Variants in GLIS3 observed in about 807,000 individuals in gnomAD.
GLIS3 encodes zinc finger protein GLIS3.
GLIS3 carries 53 observed loss-of-function variants against 78.6 expected under a neutral mutation model. That is an observed-to-expected ratio of 0.67 (90% CI 0.54 to 0.85). GLIS3 has a LOEUF of 0.85. GLIS3 is among the 40% of genes least tolerant of loss of function. The pLI is 0.00. For missense variants in GLIS3, 1,703 were observed against 1,231.1 expected (o/e 1.38, Z -5.74); for synonymous variants, 684 against 509.9 (o/e 1.34, Z -4.60).
chr9:4,359,109 C>G, the GLIS3 span, among the ~76,000 whole-genome samples: 1 of 152,176 alleles, frequency 6.6e-6, no homozygotes, highest in Non-Finnish European at 1.5e-5. Context: ...GTTTACTACT[C>G]TCCTGCGGTC....
intron 2 of GLIS3, among the ~76,000 whole-genome samples, chr9:4,266,450 G>T (rs1826015366): frequency 6.6e-6 from 1 of 152,118 alleles, no homozygotes; most frequent in South Asian, 2.1e-4. Context: ...CAAGTTCAGA[G>T]ATGCAATAGT....
At chr9:4,003,955 C>T (rs1377908636) in intron 4 of GLIS3, among the ~76,000 whole-genome samples, 1 of 152,192 alleles carries the variant, frequency 6.6e-6, no homozygotes, top group Non-Finnish European at 1.5e-5. Flanking sequence ...GTACATTCCA[C>T]TTACGATGAC....
At chr9:4,423,879 C>A in the GLIS3 span, among the ~76,000 whole-genome samples, 1 of 149,908 alleles carries the variant, frequency 6.7e-6, no homozygotes, top group Non-Finnish European at 1.5e-5. Flanking sequence ...TCTTATAAAA[C>A]ATTGCTAAAC....
At chr9:4,355,569 T>C in the GLIS3 span, among the ~76,000 whole-genome samples, 1 of 152,134 alleles carries the variant, frequency 6.6e-6, no homozygotes, top group Non-Finnish European at 1.5e-5. Flanking sequence ...GCCCAGGAAC[T>C]GTAAGAAGGA....
chr9:4,165,520 A>G (rs4741899), intron 2 of GLIS3, among the ~76,000 whole-genome samples: 60,299 of 152,092 alleles, frequency 0.4, 13,672 homozygotes, highest in East Asian at 0.7. Flanking sequence ...TTTACAGATA[A>G]ATGCTTATGA....
chr9:3,853,617 G>GC (rs998589529), intron 9 of GLIS3, among the ~76,000 whole-genome samples: 1 of 152,144 alleles, frequency 6.6e-6, no homozygotes, highest in African/African-American at 2.4e-5. Flanking sequence ...TAGATGAAAT[G>GC]CCCCCCACTT....
chr9:4,483,952 T>C, the GLIS3 span, among the ~76,000 whole-genome samples: 1 of 152,190 alleles, frequency 6.6e-6, no homozygotes, highest in Non-Finnish European at 1.5e-5. Flanking sequence ...CTCACTGAGA[T>C]ACTGAGAGGA....
intron 6 of GLIS3, among the ~76,000 whole-genome samples, chr9:3,908,713 T>TG (rs1823905262): frequency 1.6e-5 from 2 of 122,850 alleles, no homozygotes; most frequent in Non-Finnish European, 3.6e-5. Flanking sequence ...TTTGTTTTTT[T>TG]TTTTTTTTTT....
the GLIS3 span, among the ~76,000 whole-genome samples, chr9:4,451,245 AC>A: frequency 6.6e-6 from 1 of 152,206 alleles, no homozygotes; most frequent in East Asian, 1.9e-4. Context: ...ATCAAAAGAG[AC>A]AAAGAAGGCC....
intron 2 of GLIS3, among the ~76,000 whole-genome samples, chr9:4,258,626 A>G (rs1211838822): frequency 6.6e-6 from 1 of 152,220 alleles, no homozygotes; most frequent in Non-Finnish European, 1.5e-5. Flanking sequence ...GGACATCATC[A>G]CCAAGGGGAA....
At chr9:4,283,451 AGGC>A (rs938629633) in intron 2 of GLIS3, among the ~76,000 whole-genome samples, 10 of 151,884 alleles carry the variant, frequency 6.6e-5, no homozygotes, top group African/African-American at 2.4e-4. Flanking sequence ...TTTTTAGCAG[AGGC>A]GGCGTTTCAC....
chr9:4,191,507 A>C (rs1203535545), intron 2 of GLIS3, among the ~76,000 whole-genome samples: 1 of 152,204 alleles, frequency 6.6e-6, no homozygotes, highest in Non-Finnish European at 1.5e-5. Flanking sequence ...GAGTTTTTAC[A>C]ATGAGCATAT....
chr9:3,940,673 G>A (rs997860512), intron 4 of GLIS3, among the ~76,000 whole-genome samples: 1 of 152,138 alleles, frequency 6.6e-6, no homozygotes, highest in Non-Finnish European at 1.5e-5. Flanking sequence ...CGGAATCCAA[G>A]GAGGAAACAG....
At chr9:4,290,872 T>C (rs1020171727) in intron 1 of GLIS3, among the ~76,000 whole-genome samples, 3 of 152,132 alleles carry the variant, frequency 2.0e-5, no homozygotes, top group African/African-American at 4.8e-5. Flanking sequence ...AGAGGAAATA[T>C]ATTGGATGTG....
At chr9:4,305,748 C>CTA (rs78437720) in intron 4 of GLIS3, 152,141 of 152,266 alleles carry the variant, frequency 1, 76,008 homozygotes, top group Middle Eastern at 1. Flanking sequence ...CTTTTCTCCT[C>CTA]TGTGTTGTGG....
intron 2 of GLIS3, among the ~76,000 whole-genome samples, chr9:4,173,850 T>C (rs1291539877): frequency 6.6e-6 from 1 of 151,980 alleles, no homozygotes; most frequent in Non-Finnish European, 1.5e-5. Context: ...TTTCTTCAAA[T>C]GATTTATGTT....
At chr9:3,992,266 T>G (rs1820376994) in intron 4 of GLIS3, among the ~76,000 whole-genome samples, 1 of 152,182 alleles carries the variant, frequency 6.6e-6, no homozygotes, top group Non-Finnish European at 1.5e-5. Context: ...AGTAATTTTT[T>G]GGGGAAAAAG....
the GLIS3 span, among the ~76,000 whole-genome samples, chr9:4,355,738 C>T: frequency 7.2e-5 from 11 of 152,280 alleles, no homozygotes; most frequent in East Asian, 1.9e-4. Flanking sequence ...GGAATGAGAG[C>T]CTATACACCC....
the GLIS3 span, among the ~76,000 whole-genome samples, chr9:4,412,450 G>A: frequency 3.0e-4 from 45 of 152,214 alleles, no homozygotes; most frequent in South Asian, 4.8e-3. Flanking sequence ...TGTAACCTAA[G>A]ACACAAGTGG....
Sources: allele counts gnomAD v4.1 joint callset (sites outside exome capture counted in the v4.1 genomes callset), GRCh38; gene constraint gnomAD v4.1.1; transcripts MANE v1.5; gene names NCBI Gene and HGNC (gene_info 2026-07-23, HGNC 2026-07-21).